Variants in NLGN1 observed in about 807,000 individuals in gnomAD.
NLGN1 encodes the protein neuroligin-1.
In NLGN1, 12 loss-of-function variants were observed where a neutral mutation model predicts 65.5. The ratio of observed to expected loss-of-function variants is 0.18; its 90% CI spans 0.12 to 0.30. The LOEUF is 0.30. Ranked by LOEUF, NLGN1 falls within the 10% of genes least tolerant of loss-of-function variation. The pLI is 1.00. For synonymous variants in NLGN1, 350 were observed against 359.5 expected (o/e 0.97, Z 0.30); for missense variants, 750 against 1,007.1 (o/e 0.74, Z 3.46).
chr3:173,837,465 T>A (rs1012252725), intron 4 of NLGN1, among the ~76,000 whole-genome samples: 1 of 152,160 alleles, frequency 6.6e-6, no homozygotes, highest in African/African-American at 2.4e-5. Flanking sequence ...TTTAATAGCA[T>A]GTCTATTATA....
chr3:174,173,082 G>T (rs968987492), intron 4 of NLGN1, among the ~76,000 whole-genome samples: 2 of 151,736 alleles, frequency 1.3e-5, no homozygotes, highest in African/African-American at 2.4e-5. Context: ...TAGATATTGT[G>T]TATGGTATTT....
At chr3:173,943,855 C>T (rs531765430) in intron 4 of NLGN1, among the ~76,000 whole-genome samples, 15 of 152,278 alleles carry the variant, frequency 9.9e-5, no homozygotes, top group Admixed American at 9.2e-4. Context: ...TTCTACTTAA[C>T]ATTTAATGTT....
At chr3:173,697,969 G>A (rs1333122226) in intron 3 of NLGN1, among the ~76,000 whole-genome samples, 2 of 150,894 alleles carry the variant, frequency 1.3e-5, no homozygotes, top group African/African-American at 2.4e-5. Flanking sequence ...TTTTGTAAAT[G>A]TTTTTTCCAT....
At chr3:173,598,155 G>A (rs1749812281) in intron 2 of NLGN1, among the ~76,000 whole-genome samples, 1 of 152,108 alleles carries the variant, frequency 6.6e-6, no homozygotes, top group Admixed American at 6.6e-5. Context: ...TGATACAAAT[G>A]TGTAAATTTA....
chr3:173,666,417 A>C (rs148952956), intron 3 of NLGN1, among the ~76,000 whole-genome samples: 3 of 152,298 alleles, frequency 2.0e-5, no homozygotes, highest in African/African-American at 7.2e-5. Context: ...ATACAGTCAG[A>C]GTTAAAAGCT....
intron 4 of NLGN1, among the ~76,000 whole-genome samples, chr3:174,127,964 G>C (rs978149658): frequency 6.6e-6 from 1 of 152,152 alleles, no homozygotes; most frequent in East Asian, 1.9e-4. Flanking sequence ...TACAGAAGCG[G>C]CTTCTGCTAG....
chr3:173,457,303 T>C (rs1045125485), intron 2 of NLGN1, among the ~76,000 whole-genome samples: 1 of 152,086 alleles, frequency 6.6e-6, no homozygotes, highest in Non-Finnish European at 1.5e-5. Context: ...GGACAGCAAG[T>C]TTCAATGCCA....
At chr3:173,878,601 C>T (rs1732610380) in intron 4 of NLGN1, among the ~76,000 whole-genome samples, 1 of 148,872 alleles carries the variant, frequency 6.7e-6, no homozygotes, top group African/African-American at 2.5e-5. Context: ...ATTTATCTGT[C>T]TTTTATTTGT....
intron 3 of NLGN1, 110 bp downstream of exon 2, chr3:173,605,201 G>A: frequency 2.3e-6 from 2 of 873,922 alleles, no homozygotes; most frequent in Non-Finnish European, 1.7e-6. Context: ...TTTTCCTGTT[G>A]GCATGTAGAC....
At chr3:173,853,692 C>T (rs566911851) in intron 4 of NLGN1, among the ~76,000 whole-genome samples, 2 of 152,096 alleles carry the variant, frequency 1.3e-5, no homozygotes, top group South Asian at 4.2e-4. Flanking sequence ...TTTTGAAAAA[C>T]TAACACAATC....
chr3:174,016,178 C>T (rs1726512148), intron 4 of NLGN1, among the ~76,000 whole-genome samples: 1 of 152,168 alleles, frequency 6.6e-6, no homozygotes, highest in South Asian at 2.1e-4. Context: ...TGAGTCTAAA[C>T]TGTGCCTAAT....
Position 174,103,306 on chromosome 3 carries a change from A to G in NLGN1, c.647-172009A>G, listed in dbSNP as rs78106437. 2.8e-4 allele frequency among the ~76,000 whole-genome samples: 43 copies of G among 152,336 alleles called. No individual in the cohort carries two copies. In the East Asian group the frequency reaches 7.9e-3, roughly 28 times the overall value. On this transcript the variant is annotated intron_variant, in intron 4 of 6. Coordinates refer to ENST00000457714, the Ensembl canonical transcript of NLGN1. ...TTGGACTGGAAAGAGGAAATATTCT[A>G]AAGAGTAACAATTGCTGTATTTCAA...
intron 2 of NLGN1, among the ~76,000 whole-genome samples, chr3:173,552,076 T>G (rs1740958285): frequency 6.6e-6 from 1 of 152,224 alleles, no homozygotes; most frequent in Admixed American, 6.5e-5. Context: ...TTCCTCCATA[T>G]TGAAATAGAC....
intron 4 of NLGN1, among the ~76,000 whole-genome samples, chr3:174,154,956 TA>T (rs1725080100): frequency 2.8e-5 from 4 of 141,164 alleles, no homozygotes; most frequent in Admixed American, 7.4e-5. Flanking sequence ...ATATATAATA[TA>T]ATATATAATT....
chr3:173,449,076 G>T (rs1720966852), intron 2 of NLGN1, among the ~76,000 whole-genome samples: 1 of 152,044 alleles, frequency 6.6e-6, no homozygotes, highest in Non-Finnish European at 1.5e-5. Flanking sequence ...GTTCTGCTCT[G>T]ATCTTAGTTA....
At chr3:173,785,860 C>G (rs1216039461) in intron 3 of NLGN1, among the ~76,000 whole-genome samples, 2 of 152,082 alleles carry the variant, frequency 1.3e-5, no homozygotes, top group African/African-American at 4.8e-5. Context: ...TCAAACATTT[C>G]CATCTGTTGT....
intron 4 of NLGN1, among the ~76,000 whole-genome samples, chr3:173,822,206 T>A (rs1365820777): frequency 1.3e-5 from 2 of 152,142 alleles, no homozygotes; most frequent in Non-Finnish European, 2.9e-5. Context: ...CTGTGTAGTT[T>A]AATTTTATTT....
intron 4 of NLGN1, among the ~76,000 whole-genome samples, chr3:174,031,151 C>T (rs568608780): frequency 6.6e-6 from 1 of 152,272 alleles, no homozygotes; most frequent in Admixed American, 6.5e-5. Context: ...TCTAAGCAGT[C>T]CTAGAAGGCT....
At chr3:173,647,649 A>G (rs751574006) in intron 3 of NLGN1, among the ~76,000 whole-genome samples, 2 of 152,124 alleles carry the variant, frequency 1.3e-5, no homozygotes, top group African/African-American at 4.8e-5. Flanking sequence ...ACAATATATC[A>G]TAATTTAGGA....
Sources: gnomAD v4.1 joint callset for allele counts (sites outside exome capture counted in the v4.1 genomes callset) on GRCh38, gnomAD v4.1.1 for gene constraint, MANE v1.5 for transcripts, NCBI Gene and HGNC (gene_info 2026-07-23, HGNC 2026-07-21) for gene names.